SV2C: variants seen among roughly 807,000 people sequenced by gnomAD.
The protein encoded by SV2C is solute carrier family 22 member B3.
SV2C carries 49 observed loss-of-function variants against 79.7 expected under a neutral mutation model. The observed-to-expected ratio is 0.61, with a 90% confidence interval of 0.49 to 0.78. The LOEUF (loss-of-function observed/expected upper bound fraction) is 0.78, where lower values mean the gene tolerates loss of function less well. Among genes scored for constraint, SV2C ranks in the 30% least tolerant of loss-of-function variants. SV2C has a pLI of 0.00. For synonymous variants in SV2C, 334 were observed against 333.2 expected (o/e 1.00, Z -0.03); for missense variants, 833 against 912.9 (o/e 0.91, Z 1.13).
the SV2C span, among the ~76,000 whole-genome samples, chr5:75,902,062 C>G: frequency 6.6e-6 from 1 of 152,194 alleles, no homozygotes; most frequent in African/African-American, 2.4e-5. Flanking sequence ...ATGCCTCACC[C>G]TGCTTCAGCT....
At chr5:75,904,152 G>A in the SV2C span, among the ~76,000 whole-genome samples, 1 of 152,114 alleles carries the variant, frequency 6.6e-6, no homozygotes, top group Non-Finnish European at 1.5e-5. Context: ...ATATAGTTTG[G>A]TGGGTTTTTA....
intron 12 of SV2C, among the ~76,000 whole-genome samples, chr5:76,344,394 T>C (rs1186212156): frequency 6.6e-6 from 1 of 152,188 alleles, no homozygotes; most frequent in East Asian, 1.9e-4. Context: ...TTTACAGACA[T>C]TGTTTGTATT....
the SV2C span, among the ~76,000 whole-genome samples, chr5:76,026,186 C>A: frequency 7.9e-6 from 1 of 127,224 alleles, no homozygotes; most frequent in African/African-American, 3.0e-5. Context: ...TAGAAACCAG[C>A]CTGGCAAATT....
the SV2C span, among the ~76,000 whole-genome samples, chr5:75,898,130 C>T: frequency 6.6e-6 from 1 of 152,176 alleles, no homozygotes; most frequent in African/African-American, 2.4e-5. Context: ...TGAGAGAGGG[C>T]ATCCCTGTCT....
At chr5:76,282,987 G>A (rs1747242872) in intron 4 of SV2C, among the ~76,000 whole-genome samples, 1 of 152,116 alleles carries the variant, frequency 6.6e-6, no homozygotes, top group Non-Finnish European at 1.5e-5. Flanking sequence ...CCTCTAGCCT[G>A]AGCGACAGAG....
At chr5:76,182,808 G>C (rs1214302520) in intron 2 of SV2C, among the ~76,000 whole-genome samples, 4 of 152,090 alleles carry the variant, frequency 2.6e-5, no homozygotes, top group African/African-American at 4.8e-5. Context: ...AGGCTATAGA[G>C]GAAGCAGAGC....
In SV2C at chr5:76,331,933, G is replaced by T. The variant is rs181653544; in HGVS notation, c.*6386G>T. The T allele has an allele frequency of 5.9e-5, 9 of 152,290 alleles. No homozygotes were observed. Among genetic ancestry groups the T allele is most frequent in the Admixed American group, 3.3e-4 (5 of 15,302 alleles). 9.4% of individuals were successfully genotyped at this position (152,290 alleles called of 1,614,324 possible). On this transcript the variant is annotated 3_prime_UTR_variant, in exon 13 of 13. Coordinates refer to ENST00000502798, the MANE Select transcript of SV2C (RefSeq NM_014979.4). ...GTGCCCTGATAGGATGGGCACAGCT[G>T]GTATGGAATCAGAGCAGCCCATCTC...
chr5:76,232,711 CTTGT>C (rs1405475833), intron 4 of SV2C, among the ~76,000 whole-genome samples: 1 of 142,022 alleles, frequency 7.0e-6, no homozygotes, highest in Non-Finnish European at 1.5e-5. Flanking sequence ...TTCCCCATTG[CTTGT>C]TTTTCTCAGG....
At chr5:76,024,594 T>C in the SV2C span, among the ~76,000 whole-genome samples, 1 of 152,184 alleles carries the variant, frequency 6.6e-6, no homozygotes, top group Non-Finnish European at 1.5e-5. Context: ...CAATCATTTA[T>C]GTTTTGGATT....
chr5:76,285,596 C>A (rs894553308), intron 5 of SV2C, 185 bp from the exon 6 acceptor site: 9 of 610,594 alleles, frequency 1.5e-5, no homozygotes, highest in Admixed American at 6.4e-5. Context: ...TAGTTATAAC[C>A]ATATTATTTG....
At chr5:75,910,125 C>T in the SV2C span, among the ~76,000 whole-genome samples, 13 of 152,176 alleles carry the variant, frequency 8.5e-5, no homozygotes, top group Admixed American at 3.9e-4. Context: ...TTGATTCCAT[C>T]CACTTCTCTC....
At chr5:75,979,368 T>C in the SV2C span, among the ~76,000 whole-genome samples, 3 of 151,984 alleles carry the variant, frequency 2.0e-5, no homozygotes, top group Non-Finnish European at 2.9e-5. Context: ...AACTCAGCAC[T>C]GGATCAAATG....
the SV2C span, among the ~76,000 whole-genome samples, chr5:75,977,429 G>A: frequency 1.3e-5 from 2 of 152,210 alleles, no homozygotes; most frequent in African/African-American, 4.8e-5. Context: ...TGCCTTTACA[G>A]AAAGTCCACT....
intron 1 of SV2C, among the ~76,000 whole-genome samples, chr5:76,120,474 G>A (rs1268372153): frequency 1.4e-5 from 2 of 142,866 alleles, no homozygotes; most frequent in African/African-American, 5.7e-5. Flanking sequence ...CCATTAACTC[G>A]TCATTTAGCA....
At chr5:76,319,039 T>C (rs2112557035) in intron 12 of SV2C, among the ~76,000 whole-genome samples, 1 of 152,282 alleles carries the variant, frequency 6.6e-6, no homozygotes, top group South Asian at 2.1e-4. Context: ...AGCCTATTTA[T>C]TTTATAAACA....
intron 12 of SV2C, among the ~76,000 whole-genome samples, chr5:76,319,336 T>C (rs1167049181): frequency 6.6e-6 from 1 of 151,800 alleles, no homozygotes; most frequent in Non-Finnish European, 1.5e-5. Flanking sequence ...GAAAATCATC[T>C]GAGCCCAGGA....
chr5:76,034,573 C>G, the SV2C span, among the ~76,000 whole-genome samples: 2 of 152,154 alleles, frequency 1.3e-5, no homozygotes, highest in African/African-American at 2.4e-5. Context: ...GTATATTGAA[C>G]CAGCCTTGCA....
At chr5:76,229,412 C>T (rs1315153962) in intron 4 of SV2C, among the ~76,000 whole-genome samples, 1 of 152,198 alleles carries the variant, frequency 6.6e-6, no homozygotes, top group Non-Finnish European at 1.5e-5. Context: ...TGAACTATTC[C>T]TTCCAGGCAG....
At chr5:75,902,380 G>C in the SV2C span, among the ~76,000 whole-genome samples, 1 of 152,186 alleles carries the variant, frequency 6.6e-6, no homozygotes, top group Non-Finnish European at 1.5e-5. Context: ...CTTCACAGAA[G>C]GTGCTGTATG....
Sources: allele counts gnomAD v4.1 joint callset (sites outside exome capture counted in the v4.1 genomes callset), GRCh38; gene constraint gnomAD v4.1.1; transcripts MANE v1.5; gene names NCBI Gene and HGNC (gene_info 2026-07-23, HGNC 2026-07-21).